PPP2R2C: variants seen among roughly 807,000 people sequenced by gnomAD.
PPP2R2C encodes protein phosphatase 2, regulatory subunit B, gamma.
Under a neutral mutation model 45.3 loss-of-function variants are expected in PPP2R2C, and 10 were observed. The observed-to-expected ratio is 0.22, with a 90% confidence interval of 0.14 to 0.37. The LOEUF is 0.37. PPP2R2C is among the 10% of genes least tolerant of loss of function. The pLI, the probability that PPP2R2C is intolerant of heterozygous loss-of-function variation, is 1.00. For missense variants in PPP2R2C, 308 were observed against 619.7 expected, an observed-to-expected ratio of 0.50 and a Z score of 5.34; for synonymous variants, 257 against 245.4, an observed-to-expected ratio of 1.05 and a Z score of -0.44.
intron 1 of PPP2R2C, among the ~76,000 whole-genome samples, chr4:6,417,211 C>A (rs764478460): frequency 6.6e-6 from 1 of 151,938 alleles, no homozygotes; most frequent in Non-Finnish European, 1.5e-5. Context: ...GCAGACCCCA[C>A]GAGGAGGAGG....
At chr4:6,475,224 G>A (rs1005243815), upstream of PPP2R2C, among the ~76,000 whole-genome samples, 1 of 150,470 alleles carries the variant, frequency 6.6e-6, no homozygotes, top group African/African-American at 2.4e-5. Context: ...TGGAGATGAA[G>A]GCGGGGATGG....
intron 1 of PPP2R2C, among the ~76,000 whole-genome samples, chr4:6,455,413 CCTGCCACCAT>C (rs1720970296): frequency 3.3e-5 from 5 of 152,148 alleles, no homozygotes. Flanking sequence ...CTGTCCTCCA[CCTGCCACCAT>C]CTGCACCCCC....
intron 1 of PPP2R2C, chr4:6,381,612 C>T: frequency 6.7e-7 from 1 of 1,483,050 alleles, no homozygotes; most frequent in Non-Finnish European, 8.9e-7. Context: ...CCTTCAGACT[C>T]CTGCTCTGTG....
intron 2 of PPP2R2C, among the ~76,000 whole-genome samples, chr4:6,499,074 T>A (rs1577222793): frequency 6.6e-6 from 1 of 152,204 alleles, no homozygotes; most frequent in African/African-American, 2.4e-5. Context: ...CAGGACGTGG[T>A]GCCCAAGGCA....
intron 4 of PPP2R2C, among the ~76,000 whole-genome samples, chr4:6,375,144 C>G (rs1715190031): frequency 6.6e-6 from 1 of 152,112 alleles, no homozygotes; most frequent in African/African-American, 2.4e-5. Flanking sequence ...GCAGGGGGCA[C>G]CAGCACCCTC....
chr4:6,544,833 A>G (rs1724924654), intron 1 of PPP2R2C, among the ~76,000 whole-genome samples: 1 of 152,198 alleles, frequency 6.6e-6, no homozygotes, highest in Admixed American at 6.5e-5. Flanking sequence ...AAGCAAACCA[A>G]TGCTACAATT....
intron 1 of PPP2R2C, among the ~76,000 whole-genome samples, chr4:6,401,468 C>T (rs1717407082): frequency 6.6e-6 from 1 of 152,044 alleles, no homozygotes; most frequent in Non-Finnish European, 1.5e-5. Context: ...AGTCACTCAT[C>T]CCAGAGAGTT....
rs902969666 is a variant in PPP2R2C at position 6,349,141 on chromosome 4, C to G, written c.626-1131G>C. 4.1e-6 allele frequency: 4 copies of G among 985,282 alleles called. No individual in the cohort carries two copies. In the African/African-American group the frequency reaches 7.0e-5, roughly 17 times the overall value. 61.0% of individuals were successfully genotyped at this position (985,282 alleles called of 1,614,324 possible). A position where few individuals can be genotyped will look rare whatever the true frequency, so the allele number is the denominator to read the frequency against. On this transcript the variant is annotated intron_variant, in intron 5 of 8. Transcript: ENST00000382599. Reference sequence around the variant, plus strand: ...CGGCTTTCCAGCTTCAGATCCCACCCATCACCCTGACAGAAAGGCCCTCTC... The same window carrying G: ...CGGCTTTCCAGCTTCAGATCCCACCGATCACCCTGACAGAAAGGCCCTCTC...
At chr4:6,417,221 G>A (rs1428004220) in intron 1 of PPP2R2C, among the ~76,000 whole-genome samples, 1 of 152,228 alleles carries the variant, frequency 6.6e-6, no homozygotes, top group Non-Finnish European at 1.5e-5. Context: ...CGAGGAGGAG[G>A]GAGTAAGAGA....
intron 2 of PPP2R2C, among the ~76,000 whole-genome samples, chr4:6,497,004 T>G (rs954655509): frequency 6.6e-6 from 1 of 152,278 alleles, no homozygotes; most frequent in East Asian, 1.9e-4. Context: ...ATCCATAGAC[T>G]GTGCCAAACA....
At chr4:6,500,794 C>T (rs1406913835) in intron 2 of PPP2R2C, among the ~76,000 whole-genome samples, 1 of 152,240 alleles carries the variant, frequency 6.6e-6, no homozygotes, top group African/African-American at 2.4e-5. Context: ...CACCCTGAAG[C>T]TGGGGACAAA....
upstream of PPP2R2C, among the ~76,000 whole-genome samples, chr4:6,475,168 C>T (rs1184975448): frequency 2.0e-5 from 3 of 151,286 alleles, no homozygotes; most frequent in African/African-American, 4.9e-5. Context: ...GAGGAGAAGG[C>T]GGGAATGGAG....
chr4:6,462,186 G>A (rs1721361355), intron 1 of PPP2R2C, among the ~76,000 whole-genome samples: 1 of 152,216 alleles, frequency 6.6e-6, no homozygotes, highest in Non-Finnish European at 1.5e-5. Flanking sequence ...AGGGCAAATG[G>A]AATCCAGGCA....
chr4:6,431,914 G>A (rs755824834), intron 1 of PPP2R2C, among the ~76,000 whole-genome samples: 1 of 152,180 alleles, frequency 6.6e-6, no homozygotes, highest in Non-Finnish European at 1.5e-5. Flanking sequence ...CAAGATCGAG[G>A]TGTAGAAGCT....
upstream of PPP2R2C, among the ~76,000 whole-genome samples, chr4:6,477,179 CAG>C (rs777107913): frequency 2.6e-5 from 4 of 152,146 alleles, no homozygotes; most frequent in Non-Finnish European, 5.9e-5. Context: ...GCCTTGGAGA[CAG>C]GGGTTGCAGT....
At chr4:6,473,651 G>C (rs1264696185), upstream of PPP2R2C, among the ~76,000 whole-genome samples, 2 of 152,206 alleles carry the variant, frequency 1.3e-5, no homozygotes, top group African/African-American at 2.4e-5. Flanking sequence ...GTGGGGGCTG[G>C]TCTGTAATGG....
rs558367801 is a variant in PPP2R2C at position 6,368,308 on chromosome 4, G to A, written c.625+4215C>T. Among the ~76,000 whole-genome samples, 121 of 152,258 alleles carry A rather than the reference G, an allele frequency of 7.9e-4. No individual in the cohort carries two copies. Among genetic ancestry groups the A allele is most frequent in the Non-Finnish European group, 1.5e-3 (99 of 68,028 alleles). ...GGCGTGGCTGGAGAGAAATGTACAC[G>A]GCTGCGCTGGCTGGGCCACCGACTC... On this transcript the variant is annotated intron_variant, in intron 5 of 8. Coordinates refer to ENST00000382599, the MANE Select transcript of PPP2R2C (RefSeq NM_020416.4). This position sits in a 1 kb window ranked among gnomAD's most constrained non-coding sequence, Gnocchi z 4.2.
chr4:6,374,005 G>A (rs1007438345), intron 4 of PPP2R2C, among the ~76,000 whole-genome samples: 9 of 136,400 alleles, frequency 6.6e-5, no homozygotes, highest in Admixed American at 2.3e-4. Context: ...TTGCTTCTAG[G>A]TTGTGTGCCT....
At chr4:6,335,946 C>T (rs1322578158) in intron 6 of PPP2R2C, among the ~76,000 whole-genome samples, 1 of 152,082 alleles carries the variant, frequency 6.6e-6, no homozygotes, top group Non-Finnish European at 1.5e-5. Flanking sequence ...CTTAGCCTCT[C>T]CACAGCCTCT....
Sources: gnomAD v4.1 joint callset for allele counts (sites outside exome capture counted in the v4.1 genomes callset) on GRCh38, gnomAD v4.1.1 for gene constraint, Gnocchi (gnomAD v3.1) non-coding constraint, MANE v1.5 for transcripts, NCBI Gene and HGNC (gene_info 2026-07-23, HGNC 2026-07-21) for gene names.